ZNF557: variants seen among roughly 807,000 people sequenced by gnomAD.
The protein encoded by ZNF557 is zinc finger protein 557.
In ZNF557, 19 loss-of-function variants were observed where a neutral mutation model predicts 21.2. The ratio of observed to expected loss-of-function variants is 0.90; its 90% confidence interval spans 0.63 to 1.32. ZNF557 has a LOEUF of 1.32. Ranked by LOEUF, ZNF557 falls within the 40% of genes most tolerant of loss-of-function variation. The pLI, the probability that ZNF557 is intolerant of heterozygous loss-of-function variation, is 0.00. For synonymous variants in ZNF557, 207 were observed against 194.8 expected (o/e 1.06, Z -0.52); for missense variants, 487 against 519.8 (o/e 0.94, Z 0.61).
At chr19:7,072,904 C>T (rs114851044) in intron 2 of ZNF557, among the ~76,000 whole-genome samples, 20 of 152,174 alleles carry the variant, frequency 1.3e-4, no homozygotes, top group Admixed American at 5.9e-4. Context: ...ATCAATAAAA[C>T]GTGAATGAGG....
intron 5 of ZNF557, 50 bp downstream of exon 5, chr19:7,076,557 C>A: frequency 3.2e-6 from 5 of 1,574,992 alleles, no homozygotes; most frequent in Non-Finnish European, 4.3e-6. Flanking sequence ...GGAAGTCAGT[C>A]TTTTTTTTCT....
intron 2 of ZNF557, among the ~76,000 whole-genome samples, chr19:7,071,609 C>A (rs952328593): frequency 6.6e-6 from 1 of 151,976 alleles, no homozygotes; most frequent in Non-Finnish European, 1.5e-5. Context: ...TTTGGGAGGC[C>A]GAGGTAGGTG....
intron 3 of ZNF557, 143 bp downstream of exon 3, chr19:7,075,248 C>T (rs542356418): frequency 4.9e-5 from 57 of 1,174,500 alleles, no homozygotes; most frequent in Non-Finnish European, 6.2e-5. Context: ...TCTGATCGGG[C>T]GGCTCTTGGG....
intron 6 of ZNF557, among the ~76,000 whole-genome samples, chr19:7,081,731 A>T (rs911197381): frequency 6.6e-6 from 1 of 152,158 alleles, no homozygotes; most frequent in Non-Finnish European, 1.5e-5. Context: ...GATCAGTTTC[A>T]GTCCACCTTG....
rs1008290595 is a variant in ZNF557 at position 7,075,115 on chromosome 19, G to T, written c.31+10G>T. 6 of 1,614,092 alleles carry T rather than the reference G, an allele frequency of 3.7e-6. No individual in the cohort carries two copies. Among genetic ancestry groups the T allele is most frequent in the Non-Finnish European group, 5.1e-6 (6 of 1,180,012 alleles). ...CTGCCCCCAACTGCCGGTGAGTCAT[G>T]GGGTCCTGGCAGTTCTCAGAGTCCA... On this transcript the variant is annotated intron_variant, in intron 3 of 7. Coordinates refer to ENST00000252840, the MANE Select transcript of ZNF557 (RefSeq NM_024341.3).
At chr19:7,079,702 C>T (rs903463811) in intron 5 of ZNF557, among the ~76,000 whole-genome samples, 12 of 152,020 alleles carry the variant, frequency 7.9e-5, no homozygotes, top group African/African-American at 1.9e-4. Flanking sequence ...AATTTTGTAA[C>T]GTCTGTATTG....
intron 2 of ZNF557, among the ~76,000 whole-genome samples, chr19:7,074,248 C>T (rs958973002): frequency 1.3e-5 from 2 of 151,694 alleles, no homozygotes; most frequent in African/African-American, 2.4e-5. Flanking sequence ...CCTCGTGATC[C>T]GCCCGCCTCG....
chr19:7,076,336 G>T, intron 4 of ZNF557, 45 bp from the exon 5 acceptor site: 2 of 1,614,120 alleles, frequency 1.2e-6, no homozygotes, highest in Non-Finnish European at 1.7e-6. Context: ...GTGCACATTG[G>T]TGGGGGTGGT....
intron 5 of ZNF557, 63 bp from the exon 6 acceptor site, chr19:7,081,297 T>C (rs898898508): frequency 8.7e-7 from 1 of 1,150,658 alleles, no homozygotes; most frequent in African/African-American, 1.5e-5. Flanking sequence ...TGATTTCAGT[T>C]TCATGGGAGA....
chr19:7,082,985 AC>A lies in ZNF557; in HGVS notation c.537del (p.Tyr180MetfsTer76). 1 of 1,614,152 alleles carries A rather than the reference AC, an allele frequency of 6.2e-7. No individual in the cohort carries two copies. Among genetic ancestry groups the A allele is most frequent in the Non-Finnish European group, 8.5e-7 (1 of 1,180,018 alleles). The stretch of plus-strand genomic sequence containing the variant: ...ACAGGAAGATTCATACTGGAGAAAG[AC>A]CCTATGGCTGCAGTGAATGTGGGAA... ...RHRKIHTGERPYGCSECGKSY... is the reference protein window; with the variant it reads ...RHRKIHTGERXYGCSECGKSY... On this transcript the variant is annotated frameshift_variant, in exon 8 of 8. Coordinates refer to ENST00000252840, the MANE Select transcript of ZNF557 (RefSeq NM_024341.3). LOFTEE classifies it low-confidence loss of function (END_TRUNC).
At chr19:7,076,253 G>C (rs1214418891) in intron 4 of ZNF557, 128 bp from the exon 5 acceptor site, 1 of 1,586,698 alleles carries the variant, frequency 6.3e-7, no homozygotes, top group African/African-American at 1.3e-5. Context: ...CTCAGGAGAG[G>C]AGCTCAGAAT....
At chr19:7,072,179 T>G (rs1977476322) in intron 2 of ZNF557, among the ~76,000 whole-genome samples, 1 of 150,016 alleles carries the variant, frequency 6.7e-6, no homozygotes, top group South Asian at 2.1e-4. Context: ...ATCCCACCAC[T>G]TTGGGAGGCT....
Position 7,074,978 on chromosome 19 carries a change from T to TC in ZNF557, c.-79-12dup. On this transcript the variant is annotated splice_polypyrimidine_tract_variant and intron_variant, in intron 2 of 7. Coordinates refer to ENST00000252840, the MANE Select transcript of ZNF557 (RefSeq NM_024341.3). ...GGAGGGGGTGACCGAGGCAGAGTGT[T>TC]CCCCCCATTTCTTCCAGGGTGCTGT... 2 of 1,593,614 alleles carry TC rather than the reference T, an allele frequency of 1.3e-6. No homozygotes were observed. Among genetic ancestry groups the TC allele is most frequent in the Non-Finnish European group, 8.6e-7 (1 of 1,165,882 alleles).
At chr19:7,077,344 C>T (rs563201121) in intron 5 of ZNF557, among the ~76,000 whole-genome samples, 1 of 151,940 alleles carries the variant, frequency 6.6e-6, no homozygotes, top group African/African-American at 2.4e-5. Flanking sequence ...CCATGTTGGC[C>T]AGGCTGGTCT....
chr19:7,076,300 G>A, intron 4 of ZNF557, 81 bp from the exon 5 acceptor site: 4 of 1,613,614 alleles, frequency 2.5e-6, no homozygotes, highest in Non-Finnish European at 3.4e-6. Flanking sequence ...CCCAGCCCTG[G>A]CTCTGTTCTC....
At chr19:7,077,256 C>T (rs2145169786) in intron 5 of ZNF557, among the ~76,000 whole-genome samples, 1 of 149,984 alleles carries the variant, frequency 6.7e-6, no homozygotes, top group South Asian at 2.1e-4. Context: ...CTGCCTCAGC[C>T]TCCTCAACAG....
intron 2 of ZNF557, among the ~76,000 whole-genome samples, chr19:7,074,331 T>TACACACACACACACAC (rs71177149): frequency 2.0e-5 from 3 of 150,034 alleles, no homozygotes; most frequent in Non-Finnish European, 4.4e-5. Context: ...TGTGTGTATA[T>TACACACACACACACAC]ACACACACAC....
chr19:7,082,988 C>T lies in ZNF557; in HGVS notation c.537C>T (p.Pro179=). The T allele has an allele frequency of 6.2e-7, 1 of 1,614,172 alleles. No homozygotes were observed. Among genetic ancestry groups the T allele is most frequent in the East Asian group, 2.2e-5 (1 of 44,890 alleles). ...RHRKIHTGER[P]YGCSECGKSY... ...GGAAGATTCATACTGGAGAAAGACC[C>T]TATGGCTGCAGTGAATGTGGGAAAT... The change falls in exon 8 of 8, where the codon CCC becomes CCT. Residue 179 remains proline, a synonymous_variant. Coordinates refer to ENST00000252840, the MANE Select transcript of ZNF557 (RefSeq NM_024341.3).
intron 5 of ZNF557, among the ~76,000 whole-genome samples, chr19:7,077,132 C>CTTTTTTTTTTTTTTTTTT (rs4031071): frequency 5.1e-5 from 4 of 78,368 alleles, no homozygotes; most frequent in Admixed American, 2.0e-4. Flanking sequence ...TGTTTTCTTT[C>CTTTTTTTTTTTTTTTTTT]TTTTTTTTTT....
Sources: allele counts gnomAD v4.1 joint callset (sites outside exome capture counted in the v4.1 genomes callset), GRCh38; gene constraint gnomAD v4.1.1; transcripts MANE v1.5; gene names NCBI Gene and HGNC (gene_info 2026-07-23, HGNC 2026-07-21).